The following EDAR variants were observed in gnomAD, a reference collection of about 807,000 sequenced individuals.
The protein encoded by EDAR is tumor necrosis factor receptor superfamily member EDAR.
A neutral mutation model predicts 51.3 loss-of-function variants in EDAR; 38 were observed. The ratio of observed to expected loss-of-function variants is 0.74; its 90% CI spans 0.57 to 0.97. The LOEUF (loss-of-function observed/expected upper bound fraction) is 0.97. Among genes scored for constraint, EDAR ranks in the 50% least tolerant of loss-of-function variants. The probability of loss-of-function intolerance (pLI) is 0.00; values close to 1 mark genes in which losing one functional copy is unlikely to be tolerated. For missense variants in EDAR, 528 were observed against 595.0 expected (o/e 0.89, Z 1.17); for synonymous variants, 227 against 242.1 (o/e 0.94, Z 0.58).
intron 5 of EDAR, among the ~76,000 whole-genome samples, chr2:108,913,606 T>G (rs1467728662): frequency 6.6e-6 from 1 of 151,892 alleles, no homozygotes; most frequent in East Asian, 2.0e-4. Flanking sequence ...AAATAATAGC[T>G]TCTTGATTTA....
At chr2:108,987,391 C>T (rs393987) in intron 1 of EDAR, among the ~76,000 whole-genome samples, 29,100 of 152,076 alleles carry the variant, frequency 0.19, 3,015 homozygotes, top group Middle Eastern at 0.27. Context: ...GTCTGCACTC[C>T]GGAGCAATGT....
intron 1 of EDAR, among the ~76,000 whole-genome samples, chr2:108,979,698 G>A (rs1698389608): frequency 6.6e-6 from 1 of 152,296 alleles, no homozygotes; most frequent in East Asian, 1.9e-4. Context: ...AGGAACTGCA[G>A]AGGAGAGGAG....
intron 1 of EDAR, among the ~76,000 whole-genome samples, chr2:108,960,602 A>C (rs896658815): frequency 6.6e-6 from 1 of 151,966 alleles, no homozygotes; most frequent in African/African-American, 2.4e-5. Context: ...AGGTTTTTAC[A>C]TTTTTTTTCA....
At chr2:108,938,347 G>C (rs966158893) in intron 1 of EDAR, among the ~76,000 whole-genome samples, 3 of 152,194 alleles carry the variant, frequency 2.0e-5, no homozygotes, top group Non-Finnish European at 4.4e-5. Flanking sequence ...GGGCTTCTCA[G>C]AATGCTAATT....
At chr2:108,938,422 GA>G (rs1188240788) in intron 1 of EDAR, among the ~76,000 whole-genome samples, 1 of 152,216 alleles carries the variant, frequency 6.6e-6, no homozygotes, top group African/African-American at 2.4e-5. Context: ...AAAGAGGAAG[GA>G]AGCTCTCTCT....
chr2:108,925,030 T>C (rs1310553777), intron 4 of EDAR, among the ~76,000 whole-genome samples: 1 of 152,184 alleles, frequency 6.6e-6, no homozygotes, highest in African/African-American at 2.4e-5. Flanking sequence ...CGCCCTTGCC[T>C]CCTCCACCTT....
At chr2:108,910,415 C>T in intron 9 of EDAR, 45 bp downstream of exon 9, 2 of 1,514,192 alleles carry the variant, frequency 1.3e-6, no homozygotes, top group Non-Finnish European at 1.8e-6. Flanking sequence ...TGCTCAGGAT[C>T]CACAGGACCC....
chr2:108,929,940 G>A (rs1210936526), intron 3 of EDAR, among the ~76,000 whole-genome samples, 180 bp downstream of exon 3: 1 of 152,232 alleles, frequency 6.6e-6, no homozygotes, highest in Non-Finnish European at 1.5e-5. Flanking sequence ...TAGCTGGTGA[G>A]TGCCATTCCT....
rs5833308 is a variant in EDAR at position 108,979,467 on chromosome 2, TCACACACA to T, written c.-19+9485_-19+9492del. Among the ~76,000 whole-genome samples, 98 of 147,216 alleles carry T rather than the reference TCACACACA, an allele frequency of 6.7e-4. 1 individual carries two copies. Among genetic ancestry groups the T allele is most frequent in the Middle Eastern group, 3.5e-3 (1 of 282 alleles). ...CTCTCTGTCTCTGTCTCTCTCTCTCTCACACACACACACACACACACACACACACACAC... is the reference window on the plus strand; with the variant it reads ...CTCTCTGTCTCTGTCTCTCTCTCTCTCACACACACACACACACACACACAC... On this transcript the variant is annotated intron_variant, in intron 1 of 11. Transcript: ENST00000258443.
intron 4 of EDAR, among the ~76,000 whole-genome samples, chr2:108,924,907 G>A (rs1203095720): frequency 6.6e-6 from 1 of 152,230 alleles, no homozygotes; most frequent in East Asian, 1.9e-4. Context: ...GCCAGACCAG[G>A]TCAACCTGCA....
intron 5 of EDAR, among the ~76,000 whole-genome samples, chr2:108,913,466 A>G (rs1287686600): frequency 6.6e-6 from 1 of 151,916 alleles, no homozygotes; most frequent in Admixed American, 6.6e-5. Flanking sequence ...TAGAGTAGGA[A>G]TGTGTTAATA....
intron 1 of EDAR, among the ~76,000 whole-genome samples, chr2:108,966,235 G>C (rs1698148819): frequency 6.6e-6 from 1 of 152,212 alleles, no homozygotes; most frequent in Non-Finnish European, 1.5e-5. Flanking sequence ...TGCCTTGCAT[G>C]TTGTTGCCTA....
At chr2:108,913,703 T>C (rs1029049642) in intron 5 of EDAR, among the ~76,000 whole-genome samples, 12 of 152,254 alleles carry the variant, frequency 7.9e-5, no homozygotes, top group African/African-American at 2.6e-4. Context: ...TGAGTTCTTC[T>C]TGTTAGAAGG....
At chr2:108,903,375 A>G (rs1056388715) in intron 11 of EDAR, among the ~76,000 whole-genome samples, 1 of 152,162 alleles carries the variant, frequency 6.6e-6, no homozygotes, top group African/African-American at 2.4e-5. Context: ...TTTTGTACAT[A>G]TAGGGAAGAT....
intron 1 of EDAR, among the ~76,000 whole-genome samples, chr2:108,942,321 C>T (rs1200337648): frequency 6.6e-6 from 1 of 152,164 alleles, no homozygotes; most frequent in Admixed American, 6.5e-5. Flanking sequence ...ACTCAACTTT[C>T]GACACTTCTA....
Position 108,932,548 on chromosome 2 carries a change from A to G in EDAR, c.-18-1516T>C, listed in dbSNP as rs868583858. 2.7e-3 allele frequency among the ~76,000 whole-genome samples: 402 copies of G among 151,234 alleles called. 1 individual carries two copies. Among genetic ancestry groups the G allele is most frequent in the African/African-American group, 9.4e-3 (386 of 41,146 alleles). Reference sequence around the variant, plus strand: ...TGTCTCAAAAAAAAAAAAAAAAAAAAAAAAGAAAGAAATTAAGAATTAAGT... The same window carrying G: ...TGTCTCAAAAAAAAAAAAAAAAAAAGAAAAGAAAGAAATTAAGAATTAAGT... On this transcript the variant is annotated intron_variant, in intron 1 of 11. Transcript: ENST00000258443.
intron 10 of EDAR, 37 bp downstream of exon 10, chr2:108,907,823 A>T: frequency 1.2e-6 from 2 of 1,611,262 alleles, no homozygotes; most frequent in Non-Finnish European, 1.7e-6. Flanking sequence ...AGGGAGCCAC[A>T]TCTCACAGCT....
intron 4 of EDAR, among the ~76,000 whole-genome samples, chr2:108,927,971 C>G (rs993171139): frequency 2.0e-5 from 3 of 152,080 alleles, no homozygotes; most frequent in African/African-American, 4.8e-5. Context: ...CTCTCAGATT[C>G]TTCCTCTCCT....
At chr2:108,965,848 C>T (rs1447248885) in intron 1 of EDAR, among the ~76,000 whole-genome samples, 2 of 152,026 alleles carry the variant, frequency 1.3e-5, no homozygotes, top group African/African-American at 4.8e-5. Flanking sequence ...GCATCATGTA[C>T]TCTCCCTCCA....
Sources: allele counts gnomAD v4.1 joint callset (sites outside exome capture counted in the v4.1 genomes callset), GRCh38; gene constraint gnomAD v4.1.1; transcripts MANE v1.5; gene names NCBI Gene and HGNC (gene_info 2026-07-23, HGNC 2026-07-21).